MYH11: variants seen among roughly 807,000 people sequenced by gnomAD.
MYH11 encodes the protein myosin heavy chain 11.
Under a neutral mutation model 246.6 loss-of-function variants are expected in MYH11, and 80 were observed. The observed-to-expected ratio is 0.32, with a 90% confidence interval of 0.27 to 0.39. MYH11 has a LOEUF of 0.39. MYH11 is among the 10% of genes least tolerant of loss of function. The pLI is 1.00. For missense variants in MYH11, 2,158 were observed against 2,546.8 expected, an observed-to-expected ratio of 0.85 and a Z score of 3.29; for synonymous variants, 1,071 against 1,015.5, an observed-to-expected ratio of 1.05 and a Z score of -1.04.
In MYH11 at chr16:15,720,213, G is replaced by A. The variant is rs1364670858; in HGVS notation, c.4891C>T (p.Leu1631Phe). The change falls in exon 34 of 41, where the codon CTT becomes TTT. Residue 1631 changes from leucine to phenylalanine, a missense_variant. Physicochemically the swap from Leu to Phe is conservative, Grantham distance 22. This residue lies in a region of MYH11 where 1,013 missense variants were observed against 993.5 expected (regional missense o/e 1.02). Coordinates refer to ENST00000300036, the MANE Select transcript of MYH11 (RefSeq NM_002474.3). ...CCCTTGATGGCAGAGTCGGCCTGAA[G>A]CTCCAGGTCTTTCAGGTCCCCTTCC... ...KLEGDLKDLE[L>F]QADSAIKGRE... The A allele has an allele frequency of 1.9e-6, 3 of 1,614,020 alleles. No homozygotes were observed. Among genetic ancestry groups the A allele is most frequent in the Non-Finnish European group, 2.5e-6 (3 of 1,180,044 alleles).
At chr16:15,852,402 G>A (rs766799163) in intron 1 of MYH11, among the ~76,000 whole-genome samples, 14 of 139,002 alleles carry the variant, frequency 1.0e-4, no homozygotes, top group Admixed American at 1.6e-4. Context: ...GTGTGATCTC[G>A]GCTCAATGCA....
chr16:15,786,824 AC>A, intron 4 of MYH11, 92 bp from the exon 5 acceptor site: 1 of 1,155,028 alleles, frequency 8.7e-7, no homozygotes, highest in Non-Finnish European at 1.3e-6. Context: ...GATCATCACC[AC>A]CATTTCCCAG....
intron 3 of MYH11, among the ~76,000 whole-genome samples, chr16:15,821,367 A>C (rs1449017593): frequency 1.3e-5 from 2 of 152,234 alleles, no homozygotes; most frequent in Non-Finnish European, 2.9e-5. Flanking sequence ...TCACGTAACA[A>C]AATGTTAATG....
At position 15,846,633 on chromosome 16, in the gene MYH11, G is replaced by A. The variant is rs189427396; in HGVS notation, c.-17-8364C>T. 5.9e-5 allele frequency among the ~76,000 whole-genome samples: 9 copies of A among 152,282 alleles called. No homozygotes were observed. The South Asian group carries it at 1.7e-3, about 28-fold the overall frequency. Reference sequence around the variant, plus strand: ...AGAAGCCAAGATGGGAGGACCACTTGAGCCCAGGAGTTTGAGACCAGCCTG... The same window carrying A: ...AGAAGCCAAGATGGGAGGACCACTTAAGCCCAGGAGTTTGAGACCAGCCTG... On this transcript the variant is annotated intron_variant, in intron 1 of 40. Coordinates refer to ENST00000300036, the MANE Select transcript of MYH11 (RefSeq NM_002474.3).
chr16:15,747,824 G>A (rs2041460259), intron 18 of MYH11, 50 bp downstream of exon 18: 1 of 1,613,154 alleles, frequency 6.2e-7, no homozygotes, highest in East Asian at 2.2e-5. Context: ...AGAGCAGCAG[G>A]TGGCTTGCGG....
At chr16:15,720,112 C>A in intron 34 of MYH11, 39 bp downstream of exon 34, 1 of 1,613,854 alleles carries the variant, frequency 6.2e-7, no homozygotes, top group Non-Finnish European at 8.5e-7. Flanking sequence ...GAACTGTGCC[C>A]TCCCTCCACC....
intron 7 of MYH11, 138 bp from the exon 8 acceptor site, chr16:15,776,314 C>T: frequency 2.9e-6 from 2 of 701,522 alleles, no homozygotes; most frequent in Non-Finnish European, 5.2e-6. Flanking sequence ...TAACTTTGAC[C>T]ATTGCCCCTA....
intron 7 of MYH11, among the ~76,000 whole-genome samples, chr16:15,776,923 G>A (rs1265671119): frequency 6.6e-6 from 1 of 152,136 alleles, no homozygotes; most frequent in Non-Finnish European, 1.5e-5. Context: ...TACTGTACTG[G>A]GTGGATTTCC....
chr16:15,778,440 T>C (rs2042273491), intron 7 of MYH11, among the ~76,000 whole-genome samples: 1 of 152,180 alleles, frequency 6.6e-6, no homozygotes, highest in Non-Finnish European at 1.5e-5. Context: ...ATTCACTCTA[T>C]TCTCACATTT....
chr16:15,718,137 C>A, intron 37 of MYH11, 178 bp downstream of exon 37: 1 of 967,044 alleles, frequency 1.0e-6, no homozygotes, highest in Non-Finnish European at 1.6e-6. Context: ...ATTCTGAAGA[C>A]AGCAGCCTGG....
At chr16:15,760,924 A>C (rs1230208301) in intron 10 of MYH11, among the ~76,000 whole-genome samples, 10 of 152,288 alleles carry the variant, frequency 6.6e-5, no homozygotes, top group African/African-American at 2.4e-4. Context: ...TCTAGTTTCA[A>C]GTCCCTGTCC....
chr16:15,714,936 T>A lies in MYH11; in HGVS notation c.5759A>T (p.Glu1920Val), dbSNP rs1290642611. 6.2e-7 allele frequency: 1 copy of A among 1,614,026 alleles called. No individual in the cohort carries two copies. Among genetic ancestry groups the A allele is most frequent in the East Asian group, 2.2e-5 (1 of 44,870 alleles). Residue 1920 changes from glutamate (E) to valine (V), a missense_variant, in exon 40 of 41, where the codon GAG (glutamate) becomes GTG (valine). This residue lies in a region of MYH11 where 1,013 missense variants were observed against 993.5 expected (regional missense o/e 1.02). Transcript: ENST00000300036. ...ATESNEAMGR[E>V]VNALKSKLRR... is the part of the protein sequence containing the mutation. The stretch of plus-strand genomic sequence containing the variant: ...GAGCTTGCTCTTGAGTGCGTTCACC[T>A]CGCGGCCCATGGCCTCGTTGCTCTC...
chr16:15,847,530 A>G (rs992109211), intron 1 of MYH11, among the ~76,000 whole-genome samples: 5 of 152,232 alleles, frequency 3.3e-5, no homozygotes, highest in Non-Finnish European at 7.3e-5. Context: ...CTGGGATTAC[A>G]GGCATGAGCC....
intron 2 of MYH11, among the ~76,000 whole-genome samples, chr16:15,825,215 G>A (rs2043527371): frequency 6.6e-6 from 1 of 152,030 alleles, no homozygotes; most frequent in Admixed American, 6.6e-5. Context: ...GAAATGAGGA[G>A]GAACTGCTCA....
chr16:15,842,065 G>C (rs1390511980), intron 1 of MYH11, among the ~76,000 whole-genome samples: 2 of 152,128 alleles, frequency 1.3e-5, no homozygotes, highest in Non-Finnish European at 2.9e-5. Flanking sequence ...TCCTTTCAGG[G>C]CTGAAAATAA....
chr16:15,763,747 A>ACCCC, intron 10 of MYH11, 49 bp downstream of exon 10: 3 of 349,142 alleles, frequency 8.6e-6, no homozygotes, highest in South Asian at 5.1e-5. Flanking sequence ...CACCTCCCCC[A>ACCCC]CCCCCCCAAC....
rs2041869045 is a variant in MYH11, at chr16:15,761,615, G to A, written c.1130-957C>T. Among the ~76,000 whole-genome samples, 3 of 152,196 alleles carry A rather than the reference G, an allele frequency of 2.0e-5. No homozygotes were observed. The South Asian group carries it at 6.2e-4, about 32-fold the overall frequency. ...TTCCTGTCGCCCGGGCTGAAGTGCA[G>A]TGGTGTGACCACGAGCTGGTCCCTT... On this transcript the variant is annotated intron_variant, in intron 10 of 40. Transcript: ENST00000300036.
At chr16:15,717,666 C>T (rs771437077) in intron 37 of MYH11, 6 of 445,530 alleles carry the variant, frequency 1.3e-5, no homozygotes, top group African/African-American at 5.9e-5. Context: ...AGTGGTGGCA[C>T]GTGCCTGTAG....
chr16:15,724,608 A>C, intron 30 of MYH11, 39 bp downstream of exon 30: 1 of 1,613,056 alleles, frequency 6.2e-7, no homozygotes, highest in South Asian at 1.1e-5. Context: ...AGAGAAGTTG[A>C]GAGGACCCAT....
Sources: allele counts gnomAD v4.1 joint callset (sites outside exome capture counted in the v4.1 genomes callset), GRCh38; gene constraint gnomAD v4.1.1; regional missense constraint gnomAD v4.1.1; transcripts MANE v1.5; gene names NCBI Gene and HGNC (gene_info 2026-07-23, HGNC 2026-07-21).